AAR2: variants seen among roughly 807,000 people sequenced by gnomAD.
AAR2 encodes AAR2 splicing factor.
In AAR2, 31 loss-of-function variants were observed where a neutral mutation model predicts 26.9. That is an observed-to-expected ratio of 1.15 (90% confidence interval 0.86 to 1.55). The LOEUF is 1.55. Ranked by LOEUF, AAR2 falls within the 40% of genes most tolerant of loss-of-function variation. AAR2 has a pLI of 0.00. For missense variants in AAR2, 430 were observed against 491.3 expected (o/e 0.88, Z 1.18); for synonymous variants, 188 against 196.1 (o/e 0.96, Z 0.34).
intron 3 of AAR2, 109 bp from the exon 4 acceptor site, chr20:36,255,469 G>A: frequency 7.7e-7 from 1 of 1,299,010 alleles, no homozygotes; most frequent in Non-Finnish European, 1.1e-6. Flanking sequence ...GCCAGCAGCA[G>A]CTGATCTACC....
At chr20:36,248,152 C>A (rs982101658) in intron 3 of AAR2, among the ~76,000 whole-genome samples, 11 of 152,088 alleles carry the variant, frequency 7.2e-5, no homozygotes, top group Non-Finnish European at 1.3e-4. Context: ...CTCTCTGTCT[C>A]AATCTCTGTC....
chr20:36,237,226 A>C (rs565929218), intron 1 of AAR2, among the ~76,000 whole-genome samples: 1 of 152,306 alleles, frequency 6.6e-6, no homozygotes, highest in Admixed American at 6.5e-5. Context: ...CAGGCTTTGT[A>C]GGTAATAGGA....
chr20:36,254,911 A>G (rs543641504), intron 3 of AAR2, among the ~76,000 whole-genome samples: 1 of 152,334 alleles, frequency 6.6e-6, no homozygotes, highest in African/African-American at 2.4e-5. Context: ...ATCATTTAAC[A>G]CAAAGCCTAT....
intron 3 of AAR2, among the ~76,000 whole-genome samples, chr20:36,250,245 A>G (rs1211102587): frequency 6.6e-6 from 1 of 152,200 alleles, no homozygotes; most frequent in Admixed American, 6.5e-5. Context: ...TTCATGCTTT[A>G]TTTTGTGTTT....
In AAR2 at chr20:36,236,514, C is replaced by G. The variant is rs1049865887; in HGVS notation, c.-49+11C>G. On this transcript the variant is annotated intron_variant, in intron 1 of 3. Transcript: ENST00000320849. ...ACGTGGGGCGAGGCGGTGAGTGTGG[C>G]CTCCTGGCCTCTTTTTCCTTTCCTG... 6.6e-6 allele frequency: 1 copy of G among 152,200 alleles called. No homozygotes were observed. The highest frequency in any genetic ancestry group is 1.5e-5 in the Non-Finnish European group (1 of 68,042). 9.4% of individuals were successfully genotyped at this position (152,200 alleles called of 1,614,324 possible).
chr20:36,244,704 C>A lies in AAR2; in HGVS notation c.765C>A (p.Leu255=), dbSNP rs763925130. The change falls in exon 3 of 4, where the codon CTC becomes CTA. Residue 255 remains leucine, a synonymous_variant. Transcript: ENST00000320849. ...PSSPQDVLGE[L]QFAFVCFLLG... is the part of the protein sequence containing the mutation. Reference sequence around the variant, plus strand: ...CCTCTCTGCACCTTTCAGGTGAACTCCAGTTTGCTTTTGTGTGCTTCCTGC... The same window carrying A: ...CCTCTCTGCACCTTTCAGGTGAACTACAGTTTGCTTTTGTGTGCTTCCTGC... 6 of 1,614,136 alleles carry A rather than the reference C, an allele frequency of 3.7e-6. No homozygotes were observed. Among genetic ancestry groups the A allele is most frequent in the Non-Finnish European group, 5.1e-6 (6 of 1,180,014 alleles).
chr20:36,236,531 C>T (rs914760588), intron 1 of AAR2, 28 bp downstream of exon 1: 2 of 152,252 alleles, frequency 1.3e-5, no homozygotes, highest in African/African-American at 4.8e-5. Flanking sequence ...GCCTCTTTTT[C>T]CTTTCCTGAT....
intron 1 of AAR2, among the ~76,000 whole-genome samples, chr20:36,238,310 C>T (rs2064639391): frequency 6.6e-6 from 1 of 152,146 alleles, no homozygotes; most frequent in Admixed American, 6.5e-5. Context: ...TCCTAATCCA[C>T]TAATGGATTG....
At chr20:36,245,840 G>T (rs1056848135) in intron 3 of AAR2, among the ~76,000 whole-genome samples, 1 of 152,144 alleles carries the variant, frequency 6.6e-6, no homozygotes, top group African/African-American at 2.4e-5. Flanking sequence ...GGGCAATATA[G>T]TGAGACCCCG....
At chr20:36,241,815 G>A (rs934101173) in intron 2 of AAR2, among the ~76,000 whole-genome samples, 4 of 152,018 alleles carry the variant, frequency 2.6e-5, no homozygotes, top group Non-Finnish European at 4.4e-5. Flanking sequence ...GAACATTCTC[G>A]TGTGTACTTA....
At chr20:36,236,776 A>G (rs777212100) in intron 1 of AAR2, 1 of 152,200 alleles carries the variant, frequency 6.6e-6, no homozygotes, top group Non-Finnish European at 1.5e-5. Flanking sequence ...TCTCTGCGTG[A>G]CTTCCAGTAA....
At chr20:36,244,288 A>G (rs891886409) in intron 2 of AAR2, among the ~76,000 whole-genome samples, 2 of 152,128 alleles carry the variant, frequency 1.3e-5, no homozygotes, top group African/African-American at 2.4e-5. Flanking sequence ...TCTCTCCTCC[A>G]CCAGAACCTC....
intron 3 of AAR2, among the ~76,000 whole-genome samples, chr20:36,247,135 C>T (rs2064741552): frequency 6.6e-6 from 1 of 152,150 alleles, no homozygotes; most frequent in Admixed American, 6.5e-5. Flanking sequence ...CCAAGTAACT[C>T]CAGATAGCAG....
At chr20:36,243,619 G>A (rs1206059434) in intron 2 of AAR2, among the ~76,000 whole-genome samples, 1 of 152,238 alleles carries the variant, frequency 6.6e-6, no homozygotes, top group Non-Finnish European at 1.5e-5. Flanking sequence ...CAGAGACCCA[G>A]TTACTTGCCC....
intron 3 of AAR2, among the ~76,000 whole-genome samples, chr20:36,254,966 G>T (rs1412068259): frequency 6.6e-6 from 1 of 152,180 alleles, no homozygotes; most frequent in African/African-American, 2.4e-5. Flanking sequence ...CTTGAATACT[G>T]TACTGAAAGA....
rs141524255 is a variant in AAR2, at chr20:36,240,564, G to A, written c.696G>A (p.Leu232=). The A allele has an allele frequency of 4.3e-6, 7 of 1,613,622 alleles. No homozygotes were observed. The African/African-American group carries it at 8.0e-5, about 18-fold the overall frequency. ...AGATAACCAAGCACAGCATGGACCT[G>A]AGCTATGCCCTGGAGACTGTGCTCA... The part of the protein sequence containing the change: ...PAEITKHSMD[L]SYALETVLNK... The change falls in exon 2 of 4, where the codon CTG becomes CTA. Residue 232 remains leucine, a synonymous_variant. Coordinates refer to ENST00000320849, the MANE Select transcript of AAR2 (RefSeq NM_001271874.2).
At position 36,239,803 on chromosome 20, in the gene AAR2, G is replaced by T; in HGVS notation, c.-48-18G>T. 1 of 1,502,246 alleles carries T rather than the reference G, an allele frequency of 6.7e-7. No homozygotes were observed. The highest frequency in any genetic ancestry group is 1.4e-5 in the South Asian group (1 of 73,502). The allele number at this position is 1,502,246 out of a possible 1,614,324, so 93.1% of individuals were successfully genotyped here. On this transcript the variant is annotated intron_variant, in intron 1 of 3. Transcript: ENST00000320849. ...TTTCCCCCACGTTCTGATTAACTCT[G>T]GTTTCTTTCTTTCTCAGCTGTTCAT...
At chr20:36,245,059 C>T (rs2064721236) in intron 3 of AAR2, 133 bp downstream of exon 3, 1 of 792,740 alleles carries the variant, frequency 1.3e-6, no homozygotes, top group Non-Finnish European at 2.0e-6. Context: ...GGGATATTTC[C>T]TGCTTTTCTC....
At position 36,236,518 on chromosome 20, in the gene AAR2, CT is replaced by C. The variant is rs1421121320; in HGVS notation, c.-49+16del. On this transcript the variant is annotated intron_variant, in intron 1 of 3. Coordinates refer to ENST00000320849, the MANE Select transcript of AAR2 (RefSeq NM_001271874.2). ...GGGGCGAGGCGGTGAGTGTGGCCTC[CT>C]GGCCTCTTTTTCCTTTCCTGATTCC... 6.6e-6 allele frequency: 1 copy of C among 152,284 alleles called. No individual in the cohort carries two copies. Among genetic ancestry groups the C allele is most frequent in the East Asian group, 1.9e-4 (1 of 5,196 alleles). The allele number at this position is 152,284 out of a possible 1,614,324, so 9.4% of individuals were successfully genotyped here. A position where few individuals can be genotyped will look rare whatever the true frequency, so the allele number is the denominator to read the frequency against.
Sources: gnomAD v4.1 joint callset for allele counts (sites outside exome capture counted in the v4.1 genomes callset) on GRCh38, gnomAD v4.1.1 for gene constraint, MANE v1.5 for transcripts, NCBI Gene and HGNC (gene_info 2026-07-23, HGNC 2026-07-21) for gene names.